RASSF3: variants seen among roughly 807,000 people sequenced by gnomAD.
RASSF3 encodes the protein Ras association domain family member 3, also known as ras association domain-containing protein 3.
RASSF3 carries 19 observed loss-of-function variants against 19.9 expected under a neutral mutation model. The ratio of observed to expected loss-of-function variants is 0.96; its 90% CI spans 0.67 to 1.40. The LOEUF (loss-of-function observed/expected upper bound fraction) is 1.40, where lower values mean the gene tolerates loss of function less well. Ranked by LOEUF, RASSF3 falls within the 40% of genes most tolerant of loss-of-function variation. The pLI, the probability that RASSF3 is intolerant of heterozygous loss-of-function variation, is 0.00. For synonymous variants in RASSF3, 110 were observed against 104.2 expected, an observed-to-expected ratio of 1.06 and a Z score of -0.34; for missense variants, 306 against 289.8, an observed-to-expected ratio of 1.06 and a Z score of -0.41.
chr12:64,651,982 G>C (rs1162820730), intron 1 of RASSF3, among the ~76,000 whole-genome samples: 1 of 152,096 alleles, frequency 6.6e-6, no homozygotes, highest in Non-Finnish European at 1.5e-5. Flanking sequence ...TTAATTGTAG[G>C]CTTGGTGACT....
At chr12:64,556,135 T>C (rs1592399600) in intron 2 of RASSF3, among the ~76,000 whole-genome samples, 1 of 151,626 alleles carries the variant, frequency 6.6e-6, no homozygotes, top group African/African-American at 2.4e-5. Flanking sequence ...GTGGGAAGAG[T>C]CTGAGGGTGC....
chr12:64,641,309 T>TCTCTTGA (rs1341198785), intron 1 of RASSF3, among the ~76,000 whole-genome samples: 1 of 151,314 alleles, frequency 6.6e-6, no homozygotes, highest in Admixed American at 6.6e-5. Flanking sequence ...GGTGGGAGGA[T>TCTCTTGA]CTCTTGAGCC....
At chr12:64,536,084 C>T (rs1254136078) in intron 1 of RASSF3, among the ~76,000 whole-genome samples, 4 of 150,450 alleles carry the variant, frequency 2.7e-5, no homozygotes, top group Admixed American at 6.7e-5. Context: ...CTGCAAGCTC[C>T]GCCTCCTGGG....
Position 64,559,133 on chromosome 12 carries a change from G to A in RASSF3, c.294+17428G>A, listed in dbSNP as rs116607998. 4.1e-3 allele frequency among the ~76,000 whole-genome samples: 631 copies of A among 152,240 alleles called. 8 individuals carry two copies. Among genetic ancestry groups the A allele is most frequent in the African/African-American group, 0.015 (606 of 41,558 alleles). ...ACTTCTGCCATCGGCGCTGACCTGC[G>A]GAGGAGGGCCACCACTGCTTAGTGA... On this transcript the variant is annotated intron_variant, in intron 2 of 5. Coordinates refer to the RASSF3 transcript ENST00000637125.
chr12:64,571,048 T>A (rs1317916963), intron 2 of RASSF3, among the ~76,000 whole-genome samples: 1 of 151,912 alleles, frequency 6.6e-6, no homozygotes, highest in Non-Finnish European at 1.5e-5. Context: ...TGAAACCCCA[T>A]CTCTACTAAA....
intron 1 of RASSF3, among the ~76,000 whole-genome samples, chr12:64,645,334 A>G (rs1871692310): frequency 6.6e-6 from 1 of 152,122 alleles, no homozygotes; most frequent in Non-Finnish European, 1.5e-5. Context: ...CATTTATAGG[A>G]TAAAGTACAT....
intron 1 of RASSF3, among the ~76,000 whole-genome samples, chr12:64,637,668 G>A (rs1871369065): frequency 1.3e-5 from 2 of 151,074 alleles, no homozygotes; most frequent in South Asian, 2.1e-4. Context: ...GGCCTCAAGC[G>A]ATCCACCCAC....
chr12:64,674,024 C>T (rs914017747), intron 1 of RASSF3, among the ~76,000 whole-genome samples: 1 of 151,928 alleles, frequency 6.6e-6, no homozygotes, highest in Non-Finnish European at 1.5e-5. Context: ...CATGGAAGGC[C>T]CAGATGAAGC....
At chr12:64,587,297 T>C (rs1565844176) in intron 2 of RASSF3, among the ~76,000 whole-genome samples, 1 of 152,076 alleles carries the variant, frequency 6.6e-6, no homozygotes, top group Non-Finnish European at 1.5e-5. Context: ...CCTCAGGCAA[T>C]CCACCTGCCT....
At chr12:64,511,430 C>T (rs1455858705) in intron 1 of RASSF3, among the ~76,000 whole-genome samples, 3 of 151,758 alleles carry the variant, frequency 2.0e-5, no homozygotes, top group Non-Finnish European at 2.9e-5. Flanking sequence ...TGCAGTGAGC[C>T]GAGACCACAC....
intron 1 of RASSF3, among the ~76,000 whole-genome samples, chr12:64,525,978 G>A (rs1257023464): frequency 6.6e-6 from 1 of 152,132 alleles, no homozygotes; most frequent in East Asian, 1.9e-4. Context: ...GATGTCTGTA[G>A]TGAGCTCATC....
At chr12:64,553,365 A>AC (rs1407144367) in intron 2 of RASSF3, among the ~76,000 whole-genome samples, 1 of 152,196 alleles carries the variant, frequency 6.6e-6, no homozygotes, top group Non-Finnish European at 1.5e-5. Flanking sequence ...AATATTCCTG[A>AC]CATTGGGCCA....
chr12:64,550,430 C>T (rs947506860), intron 2 of RASSF3, among the ~76,000 whole-genome samples: 5 of 151,846 alleles, frequency 3.3e-5, no homozygotes, highest in Non-Finnish European at 7.4e-5. Context: ...TTTGGGAGGC[C>T]GAGGTGGGTG....
intron 1 of RASSF3, among the ~76,000 whole-genome samples, chr12:64,631,334 T>C (rs1871159048): frequency 6.6e-6 from 1 of 152,116 alleles, no homozygotes; most frequent in Non-Finnish European, 1.5e-5. Flanking sequence ...TGGCAGTCTC[T>C]GGAGACCTTG....
rs552924386 is a variant in RASSF3, at chr12:64,583,090, C to A, written c.294+41385C>A. On this transcript the variant is annotated intron_variant, in intron 2 of 5. Transcript: ENST00000637125. ...TCCCCTGGAGAGATCTCCTCTACCCCACCTCCGCCCCACTTTCTACTCAAG... is the reference window on the plus strand; with the variant it reads ...TCCCCTGGAGAGATCTCCTCTACCCAACCTCCGCCCCACTTTCTACTCAAG... Among the ~76,000 whole-genome samples, 3 of 152,104 alleles carry A rather than the reference C, an allele frequency of 2.0e-5. No homozygotes were observed. The South Asian group carries it at 6.2e-4, about 32-fold the overall frequency.
chr12:64,648,269 C>T (rs1797684), intron 1 of RASSF3, among the ~76,000 whole-genome samples: 43,329 of 152,026 alleles, frequency 0.29, 6,717 homozygotes, highest in Non-Finnish European at 0.36. Context: ...AGGCATTTCC[C>T]GCTGGACGAT....
chr12:64,688,556 T>G, intron 3 of RASSF3, 103 bp downstream of exon 3: 1 of 815,536 alleles, frequency 1.2e-6, no homozygotes. Context: ...GTCAGTTGTG[T>G]CAGAGCCTGG....
At chr12:64,514,672 C>G (rs913553952) in intron 1 of RASSF3, among the ~76,000 whole-genome samples, 17 of 152,088 alleles carry the variant, frequency 1.1e-4, no homozygotes, top group African/African-American at 3.9e-4. Context: ...TTTTTTGTGT[C>G]AGAGTGACTT....
intron 1 of RASSF3, among the ~76,000 whole-genome samples, chr12:64,653,435 T>C (rs1390804401): frequency 6.6e-6 from 1 of 152,184 alleles, no homozygotes; most frequent in Non-Finnish European, 1.5e-5. Flanking sequence ...GGAACCATGC[T>C]GATAGCCTTA....
Sources: allele counts gnomAD v4.1 joint callset (sites outside exome capture counted in the v4.1 genomes callset), GRCh38; gene constraint gnomAD v4.1.1; transcripts MANE v1.5; gene names NCBI Gene and HGNC (gene_info 2026-07-23, HGNC 2026-07-21).